SH3RF1: variants seen among roughly 807,000 people sequenced by gnomAD.
SH3RF1 encodes E3 ubiquitin-protein ligase SH3RF1.
Under a neutral mutation model 74.0 loss-of-function variants are expected in SH3RF1, and 32 were observed. That is an observed-to-expected ratio of 0.43 (90% confidence interval 0.33 to 0.58). The LOEUF is 0.58. Among genes scored for constraint, SH3RF1 ranks in the 20% least tolerant of loss-of-function variants. The pLI is 0.05. For synonymous variants in SH3RF1, 396 were observed against 439.6 expected (o/e 0.90, Z 1.24); for missense variants, 954 against 1,130.9 (o/e 0.84, Z 2.24).
chr4:169,205,234 A>G (rs1309873230), intron 2 of SH3RF1, among the ~76,000 whole-genome samples: 1 of 152,238 alleles, frequency 6.6e-6, no homozygotes, highest in Non-Finnish European at 1.5e-5. Context: ...AAGAAAGTTA[A>G]TGCCAATAAG....
chr4:169,186,749 G>A (rs1202096389), intron 2 of SH3RF1, among the ~76,000 whole-genome samples: 3 of 151,360 alleles, frequency 2.0e-5, no homozygotes, highest in East Asian at 2.0e-4. Flanking sequence ...GCTCATGCCT[G>A]TAATCCCAGC....
chr4:169,116,490 AGCCTGGC>A lies in SH3RF1; in HGVS notation c.1911_1917del (p.Met637IlefsTer26). On this transcript the variant is annotated frameshift_variant, in exon 10 of 12. Transcript: ENST00000284637. LOFTEE classifies it high-confidence loss of function. Reference sequence around the variant, plus strand: ...CTGATGGCAGCAGTGTGCGTGGCTGAGCCTGGCATCAGAGGCGCAGGTTGTGGGGAGG... The same window carrying A: ...CTGATGGCAGCAGTGTGCGTGGCTGAATCAGAGGCGCAGGTTGTGGGGAGG... The A allele has an allele frequency of 6.2e-7, 1 of 1,613,620 alleles. No homozygotes were observed. The highest frequency in any genetic ancestry group is 8.5e-7 in the Non-Finnish European group (1 of 1,179,810).
chr4:169,120,505 G>T (rs1478582907), intron 8 of SH3RF1, among the ~76,000 whole-genome samples: 1 of 152,126 alleles, frequency 6.6e-6, no homozygotes, highest in Non-Finnish European at 1.5e-5. Context: ...GCTTTTCTTT[G>T]TATCAACACT....
chr4:169,211,271 A>G (rs1196555864), intron 2 of SH3RF1, among the ~76,000 whole-genome samples: 1 of 152,102 alleles, frequency 6.6e-6, no homozygotes, highest in Non-Finnish European at 1.5e-5. Context: ...TCATGAGTTC[A>G]GGAGATCGAG....
At chr4:169,166,480 G>C (rs1734247138) in intron 2 of SH3RF1, 1 of 188,340 alleles carries the variant, frequency 5.3e-6, no homozygotes, top group Non-Finnish European at 1.2e-5. Context: ...CCATGTACAA[G>C]AGGAAGTACT....
intron 2 of SH3RF1, among the ~76,000 whole-genome samples, chr4:169,211,888 A>G (rs539298725): frequency 6.6e-6 from 1 of 152,174 alleles, no homozygotes; most frequent in Non-Finnish European, 1.5e-5. Context: ...GGGCTTTTCA[A>G]TGTAATGAAA....
chr4:169,246,181 A>G (rs1730992543), intron 2 of SH3RF1, among the ~76,000 whole-genome samples: 1 of 152,242 alleles, frequency 6.6e-6, no homozygotes, highest in African/African-American at 2.4e-5. Flanking sequence ...GTCAAGTTTT[A>G]CTTTGAAATC....
rs747992817 is a variant in SH3RF1, at chr4:169,106,983, C to T, written c.2362G>A (p.Ala788Thr). Residue 788 changes from alanine (A) to threonine (T), a missense_variant, in exon 11 of 12, where the codon GCA becomes ACA. Ala to Thr is a moderately conservative substitution (Grantham distance 58). This residue lies in a region of SH3RF1 where 854 missense variants were observed against 962.5 expected (regional missense o/e 0.89). Transcript: ENST00000284637. ...DGPVTTAVAG[A>T]ALAQDAFHRK... ...TGAAAAGCATCCTGGGCCAGGGCTGCTCCTGCCACTGCAGTCGTGACCGGT... is the reference window on the plus strand; with the variant it reads ...TGAAAAGCATCCTGGGCCAGGGCTGTTCCTGCCACTGCAGTCGTGACCGGT... 16 of 1,613,944 alleles carry T rather than the reference C, an allele frequency of 9.9e-6. No homozygotes were observed. Among genetic ancestry groups the T allele is most frequent in the Non-Finnish European group, 1.4e-5 (16 of 1,180,018 alleles).
chr4:169,222,018 T>C (rs1168669008), intron 2 of SH3RF1, among the ~76,000 whole-genome samples: 1 of 152,232 alleles, frequency 6.6e-6, no homozygotes, highest in African/African-American at 2.4e-5. Context: ...TGAACATCTA[T>C]ACATTATCAA....
Position 169,118,523 on chromosome 4 carries a change from G to A in SH3RF1, c.1518-741C>T, listed in dbSNP as rs151137287. Among the ~76,000 whole-genome samples the A allele has an allele frequency of 4.0e-3, 602 of 152,118 alleles. 5 individuals carry two copies. The highest frequency in any genetic ancestry group is 0.014 in the African/African-American group (580 of 41,506). On this transcript the variant is annotated intron_variant, in intron 8 of 11. Coordinates refer to ENST00000284637, the MANE Select transcript of SH3RF1 (RefSeq NM_020870.4). ...TGCCCAGGCTGGAGTGGAGTGGTGCGATCTCAGCTCACCCCTCTGCCTCTC... is the reference window on the plus strand; with the variant it reads ...TGCCCAGGCTGGAGTGGAGTGGTGCAATCTCAGCTCACCCCTCTGCCTCTC...
At position 169,237,368 on chromosome 4, in the gene SH3RF1, C is replaced by T. The variant is rs547787148; in HGVS notation, c.393+31452G>A. Among the ~76,000 whole-genome samples the T allele has an allele frequency of 1.1e-4, 16 of 152,290 alleles. No individual in the cohort carries two copies. The East Asian group carries it at 2.7e-3, about 26-fold the overall frequency. On this transcript the variant is annotated intron_variant, in intron 2 of 11. Transcript: ENST00000284637. ...ATTAAAGCTGATTTCAGGCTGGACACGATGGCTCATGCCTGTAATCACAAC... is the reference window on the plus strand; with the variant it reads ...ATTAAAGCTGATTTCAGGCTGGACATGATGGCTCATGCCTGTAATCACAAC...
chr4:169,205,912 A>T (rs1730250357), intron 2 of SH3RF1, among the ~76,000 whole-genome samples: 1 of 152,222 alleles, frequency 6.6e-6, no homozygotes, highest in Admixed American at 6.5e-5. Context: ...GAAAAAAGCA[A>T]TTTTTGGCTC....
Position 169,239,566 on chromosome 4 carries a change from G to A in SH3RF1, c.393+29254C>T, listed in dbSNP as rs556562614. 5.9e-5 allele frequency among the ~76,000 whole-genome samples: 9 copies of A among 152,272 alleles called. No individual in the cohort carries two copies. The East Asian group carries it at 7.7e-4, about 13-fold the overall frequency. On this transcript the variant is annotated intron_variant, in intron 2 of 11. Coordinates refer to ENST00000284637, the MANE Select transcript of SH3RF1 (RefSeq NM_020870.4). The stretch of plus-strand genomic sequence containing the variant: ...TTCTGAAGAAATAAAAAGGCATCAC[G>A]TTAAGGTTTCAAAAATTTAACCATT...
chr4:169,168,835 G>A lies in SH3RF1; in HGVS notation c.394-12156C>T, dbSNP rs899893557. Reference sequence around the variant, plus strand: ...GAAAAAGTTTATTCTTGATGATTTTGTCCTTTGTTTCTTAGGGGTGGAATC... The same window carrying A: ...GAAAAAGTTTATTCTTGATGATTTTATCCTTTGTTTCTTAGGGGTGGAATC... On this transcript the variant is annotated intron_variant, in intron 2 of 11. Coordinates refer to ENST00000284637, the MANE Select transcript of SH3RF1 (RefSeq NM_020870.4). Among the ~76,000 whole-genome samples the A allele has an allele frequency of 4.6e-5, 7 of 152,286 alleles. No individual in the cohort carries two copies. The South Asian group carries it at 6.2e-4, about 14-fold the overall frequency.
chr4:169,269,196 A>T lies in SH3RF1; in HGVS notation c.17T>A (p.Leu6Ter). ...CACCGGACACTCCAAAAGATCCAAC[A>T]AGGCTGATTCATCCATCTTTATCTA... MDESA[L>*]LDLLECPVCL... Residue 6 changes from leucine to a stop codon, truncating the protein, a stop_gained, in exon 2 of 12, where the codon TTG (leucine) becomes TAG (stop). Transcript: ENST00000284637. LOFTEE classifies it high-confidence loss of function. 4 of 1,584,598 alleles carry T rather than the reference A, an allele frequency of 2.5e-6. No homozygotes were observed. Among genetic ancestry groups the T allele is most frequent in the Non-Finnish European group, 3.4e-6 (4 of 1,168,694 alleles).
At chr4:169,108,599 G>A (rs1253016490) in intron 10 of SH3RF1, among the ~76,000 whole-genome samples, 2 of 152,172 alleles carry the variant, frequency 1.3e-5, no homozygotes, top group South Asian at 2.1e-4. Context: ...GATGAGCAGA[G>A]CCAGCTGATC....
intron 2 of SH3RF1, among the ~76,000 whole-genome samples, chr4:169,192,773 A>T (rs1734744453): frequency 6.7e-6 from 1 of 148,480 alleles, no homozygotes; most frequent in African/African-American, 2.5e-5. Flanking sequence ...GCTGTTTCAT[A>T]TATATATACA....
rs181773495 is a variant in SH3RF1 at position 169,180,622 on chromosome 4, T to C, written c.394-23943A>G. ...GGTTCCCCTACCCGCTTGTTTTTTG[T>C]TTTTATTTAATTGGTTTGGTCTTTG... On this transcript the variant is annotated intron_variant, in intron 2 of 11. Transcript: ENST00000284637. 8.6e-3 allele frequency among the ~76,000 whole-genome samples: 1,313 copies of C among 152,300 alleles called. 11 individuals carry two copies. Among genetic ancestry groups the C allele is most frequent in the Middle Eastern group, 0.037 (11 of 294 alleles).
At chr4:169,178,024 T>C (rs1734449157) in intron 2 of SH3RF1, among the ~76,000 whole-genome samples, 1 of 152,004 alleles carries the variant, frequency 6.6e-6, no homozygotes, top group African/African-American at 2.4e-5. Context: ...GTGGATCGTT[T>C]GGGGTGAGGA....
Sources: allele counts gnomAD v4.1 joint callset (sites outside exome capture counted in the v4.1 genomes callset), GRCh38; gene constraint gnomAD v4.1.1; regional missense constraint gnomAD v4.1.1; transcripts MANE v1.5; gene names NCBI Gene and HGNC (gene_info 2026-07-23, HGNC 2026-07-21).